The following ATRNL1 variants were observed in gnomAD, a reference collection of about 807,000 sequenced individuals.
ATRNL1 encodes the protein attractin-like protein 1.
In ATRNL1, 95 loss-of-function variants were observed where a neutral mutation model predicts 182.7. That is an observed-to-expected ratio of 0.52 (90% CI 0.44 to 0.62). The LOEUF (loss-of-function observed/expected upper bound fraction) is 0.62. Ranked by LOEUF, ATRNL1 falls within the 20% of genes least tolerant of loss-of-function variation. The pLI, the probability that ATRNL1 is intolerant of heterozygous loss-of-function variation, is 0.00. For synonymous variants in ATRNL1, 576 were observed against 568.3 expected (o/e 1.01, Z -0.19); for missense variants, 1,471 against 1,679.5 (o/e 0.88, Z 2.17).
At chr10:115,203,683 G>A (rs766114582) in intron 8 of ATRNL1, among the ~76,000 whole-genome samples, 23 of 146,452 alleles carry the variant, frequency 1.6e-4, no homozygotes, top group African/African-American at 2.8e-4. Flanking sequence ...GAAGTCAAAC[G>A]ATTCTTGTGC....
rs10648086 is a variant in ATRNL1, at chr10:115,948,884, A to AAC, written c.*4106_*4107insCA. Reference sequence around the variant, plus strand: ...CACAGGTGTGCATGCCAGTGTTCAAAAGATTGTGTAAAAGTTCAAGCCCGT... The same window carrying AAC: ...CACAGGTGTGCATGCCAGTGTTCAAAACAGATTGTGTAAAAGTTCAAGCCCGT... On this transcript the variant is annotated 3_prime_UTR_variant, in exon 29 of 29. Transcript: ENST00000355044. The AAC allele has an allele frequency of 0.8, 121,677 of 151,976 alleles. 48,801 individuals carry two copies. The highest frequency in any genetic ancestry group is 0.92 in the East Asian group (4,737 of 5,160). The allele number at this position is 151,976 out of a possible 1,614,324, so 9.4% of individuals were successfully genotyped here.
At chr10:115,335,065 G>A (rs1303558220) in intron 19 of ATRNL1, among the ~76,000 whole-genome samples, 1 of 152,144 alleles carries the variant, frequency 6.6e-6, no homozygotes, top group African/African-American at 2.4e-5. Flanking sequence ...ATAAATGCTA[G>A]CCATAATCAT....
intron 27 of ATRNL1, among the ~76,000 whole-genome samples, chr10:115,733,175 A>G (rs1947850137): frequency 6.6e-6 from 1 of 152,196 alleles, no homozygotes; most frequent in South Asian, 2.1e-4. Context: ...TAATAATTTT[A>G]AAGACAGTTG....
intron 3 of ATRNL1, among the ~76,000 whole-genome samples, chr10:115,122,302 ATATTT>A (rs1356119161): frequency 6.6e-6 from 1 of 151,812 alleles, no homozygotes; most frequent in Non-Finnish European, 1.5e-5. Context: ...TTGTTTCAAA[ATATTT>A]TATTGTTAGT....
At chr10:115,350,334 C>CAAAAA (rs1424122017) in intron 19 of ATRNL1, among the ~76,000 whole-genome samples, 617 of 29,636 alleles carry the variant, frequency 0.021, 80 homozygotes, top group Non-Finnish European at 0.023. Context: ...GACTCTGTCT[C>CAAAAA]AAAAAAAAAA....
chr10:115,424,090 C>A (rs34161704), intron 20 of ATRNL1, among the ~76,000 whole-genome samples: 1,776 of 152,154 alleles, frequency 0.012, 9 homozygotes, highest in Non-Finnish European at 0.019. Flanking sequence ...TAGCAAAAAA[C>A]CCCACAAGTA....
rs950918051 is a variant in ATRNL1, at chr10:115,874,121, T to C, written c.4018+26130T>C. ...TCAACTTGGGGAAAGTCATGGTTGA[T>C]GCCCTTCTGACAGCCTGCTGGAGAA... On this transcript the variant is annotated intron_variant, in intron 28 of 28. Transcript: ENST00000355044. 2.0e-5 allele frequency among the ~76,000 whole-genome samples: 3 copies of C among 152,204 alleles called. No homozygotes were observed. The East Asian group carries it at 5.8e-4, about 29-fold the overall frequency.
chr10:115,358,248 G>A (rs568768697), intron 19 of ATRNL1, among the ~76,000 whole-genome samples: 1 of 151,746 alleles, frequency 6.6e-6, no homozygotes, highest in African/African-American at 2.4e-5. Context: ...AGAAAAAAGA[G>A]ACAATTTTCT....
intron 20 of ATRNL1, among the ~76,000 whole-genome samples, chr10:115,415,161 C>T (rs1169966771): frequency 6.6e-6 from 1 of 151,944 alleles, no homozygotes; most frequent in African/African-American, 2.4e-5. Flanking sequence ...CCTACTAGCC[C>T]ACATGGGATG....
At chr10:115,291,923 G>C (rs1852933031) in intron 15 of ATRNL1, among the ~76,000 whole-genome samples, 1 of 149,592 alleles carries the variant, frequency 6.7e-6, no homozygotes, top group African/African-American at 2.5e-5. Flanking sequence ...GAAATAATTT[G>C]AGAAGAATTG....
In ATRNL1 at chr10:115,269,702, T is replaced by G. The variant is rs528955750; in HGVS notation, c.2100+1258T>G. 3.3e-5 allele frequency among the ~76,000 whole-genome samples: 5 copies of G among 152,286 alleles called. No homozygotes were observed. In the East Asian group the frequency reaches 9.6e-4, roughly 29 times the overall value. On this transcript the variant is annotated intron_variant, in intron 13 of 28. Transcript: ENST00000355044. ...GCATGGATACATATTTCCAACTGAA[T>G]ATAATGTATCATTTTTTCTTTTTTG...
At chr10:115,227,019 T>C (rs1319056637) in intron 9 of ATRNL1, among the ~76,000 whole-genome samples, 2 of 151,876 alleles carry the variant, frequency 1.3e-5, no homozygotes, top group Non-Finnish European at 2.9e-5. Context: ...TTGGCCTTGA[T>C]AATTTTTGGC....
chr10:115,896,939 A>G (rs1952223353), intron 28 of ATRNL1, among the ~76,000 whole-genome samples: 1 of 152,162 alleles, frequency 6.6e-6, no homozygotes, highest in South Asian at 2.1e-4. Flanking sequence ...GAAAAAGACT[A>G]ATCGCTGGTG....
chr10:115,865,745 C>G (rs531357614), intron 28 of ATRNL1, among the ~76,000 whole-genome samples: 1 of 152,122 alleles, frequency 6.6e-6, no homozygotes, highest in East Asian at 1.9e-4. Context: ...TGTGTGACGC[C>G]GTATGCTGAG....
intron 24 of ATRNL1, among the ~76,000 whole-genome samples, chr10:115,489,917 C>T (rs139856805): frequency 1.5e-3 from 228 of 152,278 alleles, no homozygotes; most frequent in African/African-American, 5.1e-3. Flanking sequence ...TAAGGCAGGC[C>T]TGTTGGTGAC....
chr10:115,209,392 A>G (rs1848930979), intron 8 of ATRNL1, among the ~76,000 whole-genome samples: 1 of 143,742 alleles, frequency 7.0e-6, no homozygotes, highest in Admixed American at 7.1e-5. Flanking sequence ...GCTGCTTGGT[A>G]TCTAGTATCC....
At chr10:115,230,593 G>A (rs1206512322) in intron 9 of ATRNL1, among the ~76,000 whole-genome samples, 1 of 152,112 alleles carries the variant, frequency 6.6e-6, no homozygotes, top group Non-Finnish European at 1.5e-5. Context: ...CTTTGGTATG[G>A]GTAGACTTTG....
chr10:115,654,371 A>AC (rs1555035203), intron 26 of ATRNL1, among the ~76,000 whole-genome samples: 1 of 151,846 alleles, frequency 6.6e-6, no homozygotes, highest in East Asian at 1.9e-4. Context: ...GGCACCCGCC[A>AC]CCACACCTGG....
At chr10:115,289,061 G>A (rs1166462517) in intron 15 of ATRNL1, among the ~76,000 whole-genome samples, 1 of 152,200 alleles carries the variant, frequency 6.6e-6, no homozygotes, top group Non-Finnish European at 1.5e-5. Flanking sequence ...CATGGCTGGG[G>A]AGGCCTCAGA....
Sources: gnomAD v4.1 joint callset for allele counts (sites outside exome capture counted in the v4.1 genomes callset) on GRCh38, gnomAD v4.1.1 for gene constraint, MANE v1.5 for transcripts, NCBI Gene and HGNC (gene_info 2026-07-23, HGNC 2026-07-21) for gene names.